Variants in MGAT4C observed in about 807,000 individuals in gnomAD.
MGAT4C encodes MGAT4 family member C, also known as alpha-1,3-mannosyl-glycoprotein 4-beta-N-acetylglucosaminyltransferase C.
In MGAT4C, 19 loss-of-function variants were observed where a neutral mutation model predicts 40.1. The ratio of observed to expected loss-of-function variants is 0.47; its 90% CI spans 0.33 to 0.70. The LOEUF is 0.70. Among genes scored for constraint, MGAT4C ranks in the 30% least tolerant of loss-of-function variants. The pLI is 0.02. For synonymous variants in MGAT4C, 181 were observed against 187.1 expected (o/e 0.97, Z 0.27); for missense variants, 491 against 563.2 (o/e 0.87, Z 1.30).
intron 4 of MGAT4C, among the ~76,000 whole-genome samples, chr12:86,312,947 A>G (rs151312649): frequency 8.6e-4 from 131 of 152,258 alleles, no homozygotes; most frequent in African/African-American, 3.0e-3. Context: ...TAATATATCA[A>G]AAGGCTTTTT....
chr12:86,142,630 A>G (rs893439716), intron 1 of MGAT4C, among the ~76,000 whole-genome samples: 1 of 151,974 alleles, frequency 6.6e-6, no homozygotes, highest in Non-Finnish European at 1.5e-5. Flanking sequence ...GATTGTTTAT[A>G]TATTTATATT....
intron 3 of MGAT4C, among the ~76,000 whole-genome samples, chr12:86,411,074 C>T (rs189342012): frequency 1.8e-4 from 27 of 152,212 alleles, no homozygotes; most frequent in Non-Finnish European, 4.4e-5. Context: ...AATTAAACTT[C>T]TTTTATTTAT....
intron 2 of MGAT4C, among the ~76,000 whole-genome samples, chr12:86,530,109 A>T (rs772745544): frequency 6.6e-6 from 1 of 151,954 alleles, no homozygotes; most frequent in Non-Finnish European, 1.5e-5. Context: ...GATATGGACG[A>T]CTGAATGTAT....
At chr12:86,191,162 T>C (rs937102120) in intron 1 of MGAT4C, among the ~76,000 whole-genome samples, 6 of 149,558 alleles carry the variant, frequency 4.0e-5, no homozygotes, top group Admixed American at 1.3e-4. Flanking sequence ...CTCTAAAGAA[T>C]GCTGAGTGAT....
chr12:86,555,258 T>C (rs1339909265), intron 2 of MGAT4C, among the ~76,000 whole-genome samples: 1 of 152,166 alleles, frequency 6.6e-6, no homozygotes, highest in Non-Finnish European at 1.5e-5. Context: ...TTTTTCTGTA[T>C]ACCACAGTGT....
At chr12:86,504,641 C>A (rs1047899215) in intron 2 of MGAT4C, among the ~76,000 whole-genome samples, 3 of 152,118 alleles carry the variant, frequency 2.0e-5, no homozygotes, top group African/African-American at 7.2e-5. Flanking sequence ...TTCTTTCCAG[C>A]AAGGTATGTT....
At chr12:86,215,896 C>T (rs1490371386) in intron 1 of MGAT4C, among the ~76,000 whole-genome samples, 2 of 151,720 alleles carry the variant, frequency 1.3e-5, no homozygotes, top group South Asian at 2.1e-4. Flanking sequence ...GTGAGTTCTC[C>T]CTCAGATTTG....
Position 86,656,092 on chromosome 12 carries a change from C to T in MGAT4C, c.-229+71117G>A, listed in dbSNP as rs922352983. Reference sequence around the variant, plus strand: ...CTCATAAGTAGAGCTTCAGTAAAGGCTTAGGACTACATTTGAAATTATGTT... The same window carrying T: ...CTCATAAGTAGAGCTTCAGTAAAGGTTTAGGACTACATTTGAAATTATGTT... On this transcript the variant is annotated intron_variant, in intron 2 of 7. Transcript: ENST00000548651. Among the ~76,000 whole-genome samples the T allele has an allele frequency of 3.0e-4, 46 of 151,914 alleles. 1 individual carries two copies. Among genetic ancestry groups the T allele is most frequent in the African/African-American group, 1.1e-3 (45 of 41,360 alleles).
intron 1 of MGAT4C, among the ~76,000 whole-genome samples, chr12:86,772,561 G>T (rs1483164352): frequency 6.6e-6 from 1 of 152,102 alleles, no homozygotes; most frequent in Non-Finnish European, 1.5e-5. Context: ...AAAGGAACAG[G>T]CCATTGCCAC....
rs143706362 is a variant in MGAT4C at position 86,818,019 on chromosome 12, A to G, written c.-262+20647T>C. Among the ~76,000 whole-genome samples the G allele has an allele frequency of 3.5e-3, 529 of 151,538 alleles. 2 individuals are homozygous for G. Among genetic ancestry groups the G allele is most frequent in the African/African-American group, 0.012 (509 of 41,530 alleles). On this transcript the variant is annotated intron_variant, in intron 1 of 7. Coordinates refer to the MGAT4C transcript ENST00000548651. ...ACTATAAACCTAGTACCCTACTTGC[A>G]CAAGGTGAGAAATGAATATTAACAG...
chr12:86,731,935 T>C (rs73179356), intron 1 of MGAT4C, among the ~76,000 whole-genome samples: 4,359 of 152,214 alleles, frequency 0.029, 95 homozygotes, highest in South Asian at 0.063. Flanking sequence ...TAGGTATAGC[T>C]CCTTATAAAA....
At chr12:86,804,770 T>G (rs2136208128) in intron 1 of MGAT4C, among the ~76,000 whole-genome samples, 1 of 152,166 alleles carries the variant, frequency 6.6e-6, no homozygotes, top group Admixed American at 6.6e-5. Context: ...TCAGCTATTT[T>G]ACCTATATAG....
At chr12:86,375,664 C>T (rs570528110) in intron 3 of MGAT4C, among the ~76,000 whole-genome samples, 3 of 151,994 alleles carry the variant, frequency 2.0e-5, no homozygotes, top group Non-Finnish European at 4.4e-5. Flanking sequence ...TATTTTTCTA[C>T]TTTCAAATAT....
chr12:86,347,437 A>C (rs1592723863), intron 3 of MGAT4C, among the ~76,000 whole-genome samples: 2 of 152,200 alleles, frequency 1.3e-5, no homozygotes, highest in African/African-American at 4.8e-5. Flanking sequence ...AGAAATATTA[A>C]GTATAAAAAA....
chr12:86,785,427 A>G (rs1717327615), intron 1 of MGAT4C, among the ~76,000 whole-genome samples: 1 of 152,072 alleles, frequency 6.6e-6, no homozygotes, highest in South Asian at 2.1e-4. Flanking sequence ...TGAAAATTAA[A>G]TACTTTTAGA....
chr12:86,718,440 T>A (rs1950684543), intron 2 of MGAT4C, among the ~76,000 whole-genome samples: 1 of 152,154 alleles, frequency 6.6e-6, no homozygotes, highest in African/African-American at 2.4e-5. Flanking sequence ...TGTCTGAGGA[T>A]GGGGTTATCT....
chr12:86,739,918 T>C lies in MGAT4C; in HGVS notation c.-261-12677A>G, dbSNP rs141101024. ...TAAGTCCTAAGGCATATTATATATA[T>C]ATATGTTTCTGTAAATTGAGAGTCT... is the stretch of plus-strand genomic sequence containing the variant. On this transcript the variant is annotated intron_variant, in intron 1 of 7. Coordinates refer to the MGAT4C transcript ENST00000548651. Among the ~76,000 whole-genome samples, 43 of 151,030 alleles carry C rather than the reference T, an allele frequency of 2.8e-4. 1 individual carries two copies. Among genetic ancestry groups the C allele is most frequent in the Admixed American group, 1.3e-3 (19 of 15,098 alleles).
intron 4 of MGAT4C, among the ~76,000 whole-genome samples, chr12:86,312,235 C>T (rs1168198755): frequency 6.6e-6 from 1 of 152,142 alleles, no homozygotes; most frequent in African/African-American, 2.4e-5. Context: ...CATGCAACAT[C>T]AAAATAAATG....
chr12:86,446,465 A>G (rs938976374), intron 2 of MGAT4C, among the ~76,000 whole-genome samples: 1 of 151,572 alleles, frequency 6.6e-6, no homozygotes, highest in African/African-American at 2.4e-5. Flanking sequence ...GAAAGCAACC[A>G]GCTGTTTTTG....
Sources: gnomAD v4.1 joint callset for allele counts (sites outside exome capture counted in the v4.1 genomes callset) on GRCh38, gnomAD v4.1.1 for gene constraint, MANE v1.5 for transcripts, NCBI Gene and HGNC (gene_info 2026-07-23, HGNC 2026-07-21) for gene names.